The following MARF1 variants were observed in gnomAD, a reference collection of about 807,000 sequenced individuals.
The protein encoded by MARF1 is limkain-b1.
A neutral mutation model predicts 168.2 loss-of-function variants in MARF1; 24 were observed. The ratio of observed to expected loss-of-function variants is 0.14; its 90% CI spans 0.10 to 0.20. The LOEUF is 0.20. MARF1 is among the 10% of genes least tolerant of loss of function. MARF1 has a pLI of 1.00. For missense variants in MARF1, 1,744 were observed against 2,143.6 expected, an observed-to-expected ratio of 0.81 and a Z score of 3.68; for synonymous variants, 868 against 822.4, an observed-to-expected ratio of 1.06 and a Z score of -0.95.
At chr16:15,601,596 C>T (rs921709702) in intron 23 of MARF1, 4 of 295,840 alleles carry the variant, frequency 1.4e-5, no homozygotes, top group South Asian at 8.7e-5. Context: ...CTCCTTGTCA[C>T]GTGCTTCCCT....
intron 7 of MARF1, among the ~76,000 whole-genome samples, chr16:15,627,136 G>C (rs7194146): frequency 0.038 from 5,615 of 149,352 alleles, 328 homozygotes; most frequent in African/African-American, 0.12. Flanking sequence ...GGGATCACTT[G>C]AGCCCAGGAG....
Position 15,624,828 on chromosome 16 carries a change from G to C in MARF1, c.2211C>G (p.Ser737Arg). 9.3e-6 allele frequency: 15 copies of C among 1,614,176 alleles called. No individual in the cohort carries two copies. The highest frequency in any genetic ancestry group is 1.3e-5 in the Non-Finnish European group (15 of 1,180,022). ...TGACTTGCCTGGATGCAACTAACTT[G>C]CTAAAAGCAGACGGGTAACTCACTT... Reference protein sequence around the residue: ...VFQVSYPSAFSKLVASRQVSP... With the variant: ...VFQVSYPSAFRKLVASRQVSP... The change falls in exon 10 of 27, where the codon AGC becomes AGG. Residue 737 changes from serine to arginine, a missense_variant. Ser to Arg is a moderately radical substitution (Grantham distance 110). This residue lies in a region of MARF1 where 270 missense variants were observed against 260.6 expected (regional missense o/e 1.04). Transcript: ENST00000396368.
intron 26 of MARF1, among the ~76,000 whole-genome samples, chr16:15,598,036 T>G (rs906945942): frequency 1.3e-5 from 2 of 152,156 alleles, no homozygotes; most frequent in African/African-American, 4.8e-5. Context: ...CCTGGTGACC[T>G]GGAAAGCAGC....
chr16:15,609,399 GCTT>G, intron 20 of MARF1, 121 bp downstream of exon 20: 2 of 738,136 alleles, frequency 2.7e-6, no homozygotes, highest in Non-Finnish European at 4.4e-6. Flanking sequence ...GACTGGAATA[GCTT>G]AGATTTTCAT....
Position 15,604,351 on chromosome 16 carries a change from C to T in MARF1, c.4230G>A (p.Lys1410=), listed in dbSNP as rs754129515. Residue 1410 remains lysine (K), a synonymous_variant, in exon 22 of 27, where the codon AAG becomes AAA. Coordinates refer to ENST00000396368, the MANE Select transcript of MARF1 (RefSeq NM_014647.4). ...ACTGGGCAGTGAGAGATCGCAGAGA[C>T]TTTCGGTTGATCAGCTGAATCTGTC... ...SGRQIQLINR[K]SLRSLTAQLL... 3.1e-6 allele frequency: 5 copies of T among 1,614,172 alleles called. No individual in the cohort carries two copies. Among genetic ancestry groups the T allele is most frequent in the Non-Finnish European group, 3.4e-6 (4 of 1,180,014 alleles).
Position 15,633,698 on chromosome 16 carries a change from G to A in MARF1, c.1152C>T (p.Gly384=). The change falls in exon 5 of 27, where the codon GGC becomes GGT. Residue 384 remains glycine (G), a synonymous_variant. Transcript: ENST00000396368. ...VQRIREKFFK[G]HREAEFICVC... is the part of the protein sequence containing the mutation. Reference sequence around the variant, plus strand: ...CACAGATGAATTCTGCTTCTCTGTGGCCTTTAAAAAACTTCTCACGGATTC... The same window carrying A: ...CACAGATGAATTCTGCTTCTCTGTGACCTTTAAAAAACTTCTCACGGATTC... 1 of 1,613,584 alleles carries A rather than the reference G, an allele frequency of 6.2e-7. No individual in the cohort carries two copies.
chr16:15,600,605 A>AT (rs762927245), intron 24 of MARF1, 36 bp downstream of exon 24: 43 of 1,614,036 alleles, frequency 2.7e-5, no homozygotes, highest in East Asian at 2.0e-4. Context: ...GAGAACCGTG[A>AT]TTTTTTAAGG....
intron 15 of MARF1, among the ~76,000 whole-genome samples, chr16:15,616,219 T>C (rs2034031962): frequency 6.6e-6 from 1 of 152,056 alleles, no homozygotes; most frequent in South Asian, 2.1e-4. Flanking sequence ...TTCTGGGTAG[T>C]TTTCCAGGAG....
chr16:15,598,781 C>T, intron 26 of MARF1, 73 bp downstream of exon 26: 2 of 1,425,600 alleles, frequency 1.4e-6, no homozygotes, highest in South Asian at 2.3e-5. Context: ...CCGTCATTTA[C>T]TATATCAGTA....
At chr16:15,605,207 G>A (rs1282522867) in intron 21 of MARF1, among the ~76,000 whole-genome samples, 2 of 152,186 alleles carry the variant, frequency 1.3e-5, no homozygotes, top group African/African-American at 4.8e-5. Context: ...CTCCGGCACT[G>A]CTCTCACAAA....
At chr16:15,604,481 TTAA>T in intron 21 of MARF1, 83 bp from the exon 22 acceptor site, 1 of 872,802 alleles carries the variant, frequency 1.1e-6, no homozygotes, top group Non-Finnish European at 1.8e-6. Context: ...TTCATTTTGG[TTAA>T]TGAGACCAAC....
intron 26 of MARF1, 101 bp downstream of exon 26, chr16:15,598,753 G>A (rs1216767104): frequency 8.7e-6 from 10 of 1,153,652 alleles, no homozygotes; most frequent in Admixed American, 2.0e-5. Flanking sequence ...CCTGAAAAGG[G>A]GTAGTCCCTT....
At chr16:15,640,063 TC>T (rs2035850716) in intron 1 of MARF1, among the ~76,000 whole-genome samples, 1 of 152,158 alleles carries the variant, frequency 6.6e-6, no homozygotes, top group African/African-American at 2.4e-5. Flanking sequence ...CGGCTCTCTC[TC>T]CCTAAAGATG....
chr16:15,619,838 T>C (rs150439440), intron 13 of MARF1, among the ~76,000 whole-genome samples: 4 of 152,282 alleles, frequency 2.6e-5, no homozygotes, highest in African/African-American at 4.8e-5. Context: ...CTGGAGCTTA[T>C]AGTCTAGTGC....
intron 21 of MARF1, 96 bp from the exon 22 acceptor site, chr16:15,604,494 C>A: frequency 1.3e-6 from 1 of 768,452 alleles, no homozygotes; most frequent in South Asian, 1.7e-5. Flanking sequence ...ATGAGACCAA[C>A]AGATGAAAAA....
chr16:15,625,717 G>C lies in MARF1; in HGVS notation c.1608C>G (p.Ser536=), dbSNP rs765698550. Residue 536 remains serine (S), a synonymous_variant, in exon 8 of 27, where the codon TCC becomes TCG. Coordinates refer to ENST00000396368, the MANE Select transcript of MARF1 (RefSeq NM_014647.4). ...KSVSNRLRRL[S]DNCGGKVLSI... is the part of the protein sequence containing the mutation. ...TCAGCACTTTCCCACCACAATTATC[G>C]GACAGGCGTCTGAGCCTGTTGCTGA... The C allele has an allele frequency of 2.5e-6, 4 of 1,614,132 alleles. No homozygotes were observed. The East Asian group carries it at 6.7e-5, about 27-fold the overall frequency.
rs541058988 is a variant in MARF1 at position 15,594,611 on chromosome 16, C to A, written c.*2082G>T. The A allele has an allele frequency of 4.6e-5, 7 of 152,600 alleles. No homozygotes were observed. The highest frequency in any genetic ancestry group is 3.4e-3 in the Middle Eastern group (1 of 294). 9.5% of individuals were successfully genotyped at this position (152,600 alleles called of 1,614,324 possible). A position where few individuals can be genotyped will look rare whatever the true frequency, so the allele number is the denominator to read the frequency against. On this transcript the variant is annotated 3_prime_UTR_variant, in exon 27 of 27. Coordinates refer to ENST00000396368, the MANE Select transcript of MARF1 (RefSeq NM_014647.4). ...ATTTAATCCGGTATATCTTTCCACC[C>A]AGAAATAAAGAATTACATTGTCTTA...
At chr16:15,617,238 C>A (rs1393091964) in intron 14 of MARF1, 61 bp downstream of exon 14, 1 of 1,609,740 alleles carries the variant, frequency 6.2e-7, no homozygotes, top group African/African-American at 1.3e-5. Context: ...ACAAGGTCAT[C>A]CTAACATGTT....
intron 16 of MARF1, 22 bp downstream of exon 16, chr16:15,615,808 G>A (rs746291541): frequency 6.0e-6 from 9 of 1,497,622 alleles, no homozygotes; most frequent in Non-Finnish European, 7.2e-6. Context: ...GGTAGCTCCA[G>A]GACAAAATAC....
Sources: allele counts gnomAD v4.1 joint callset (sites outside exome capture counted in the v4.1 genomes callset), GRCh38; gene constraint gnomAD v4.1.1; regional missense constraint gnomAD v4.1.1; transcripts MANE v1.5; gene names NCBI Gene and HGNC (gene_info 2026-07-23, HGNC 2026-07-21).